SYT9: variants seen among roughly 807,000 people sequenced by gnomAD.
SYT9 encodes the protein synaptotagmin 9, also known as synaptotagmin-9.
SYT9 carries 22 observed loss-of-function variants against 48.4 expected under a neutral mutation model. The observed-to-expected ratio is 0.45, with a 90% CI of 0.32 to 0.65. The LOEUF (loss-of-function observed/expected upper bound fraction) is 0.65, where lower values mean the gene tolerates loss of function less well. Ranked by LOEUF, SYT9 falls within the 30% of genes least tolerant of loss-of-function variation. SYT9 has a pLI of 0.03. For synonymous variants in SYT9, 265 were observed against 245.0 expected (o/e 1.08, Z -0.76); for missense variants, 577 against 622.0 (o/e 0.93, Z 0.77).
intron 6 of SYT9, among the ~76,000 whole-genome samples, chr11:7,461,508 GACTACAGGCACCCACC>G (rs1297391030): frequency 3.3e-5 from 5 of 152,106 alleles, no homozygotes; most frequent in African/African-American, 1.2e-4. Context: ...AAGTAGCTGG[GACTACAGGCACCCACC>G]ACTACACCCA....
At chr11:7,323,760 T>C (rs998451142) in intron 3 of SYT9, among the ~76,000 whole-genome samples, 1 of 151,958 alleles carries the variant, frequency 6.6e-6, no homozygotes, top group African/African-American at 2.4e-5. Flanking sequence ...TTGTTCACAA[T>C]GTGTTGCTTT....
At chr11:7,381,089 G>A (rs906660633) in intron 3 of SYT9, among the ~76,000 whole-genome samples, 1 of 152,024 alleles carries the variant, frequency 6.6e-6, no homozygotes, top group African/African-American at 2.4e-5. Flanking sequence ...CTTTAGCTAT[G>A]GTTGTCAAAC....
chr11:7,284,699 T>C (rs547562837), intron 1 of SYT9, among the ~76,000 whole-genome samples: 1 of 152,290 alleles, frequency 6.6e-6, no homozygotes, highest in South Asian at 2.1e-4. Context: ...CAGCATTTCC[T>C]AGGACAGTTA....
intron 3 of SYT9, among the ~76,000 whole-genome samples, chr11:7,337,730 G>A (rs899911423): frequency 2.0e-5 from 3 of 152,130 alleles, no homozygotes; most frequent in Non-Finnish European, 2.9e-5. Context: ...GATTGTGGTG[G>A]ATTAACTTTT....
chr11:7,371,140 A>G (rs1367269700), intron 3 of SYT9, among the ~76,000 whole-genome samples: 1 of 152,192 alleles, frequency 6.6e-6, no homozygotes, highest in Non-Finnish European at 1.5e-5. Context: ...ATCCAGTAAG[A>G]TAAATTCCTC....
intron 3 of SYT9, among the ~76,000 whole-genome samples, chr11:7,316,151 G>A (rs1849240159): frequency 6.6e-6 from 1 of 150,910 alleles, no homozygotes; most frequent in South Asian, 2.1e-4. Flanking sequence ...ATATAATATA[G>A]TAAATATAAT....
chr11:7,357,249 C>T (rs971397877), intron 3 of SYT9, among the ~76,000 whole-genome samples: 5 of 152,082 alleles, frequency 3.3e-5, no homozygotes. Context: ...ATCCTATTTG[C>T]ATCTAAAAAA....
At chr11:7,269,386 A>G (rs994246781) in intron 1 of SYT9, among the ~76,000 whole-genome samples, 1 of 152,174 alleles carries the variant, frequency 6.6e-6, no homozygotes, top group Non-Finnish European at 1.5e-5. Flanking sequence ...TCATCAGAAT[A>G]CTGTATAGAT....
chr11:7,258,473 G>C (rs948454404), intron 1 of SYT9, among the ~76,000 whole-genome samples: 1 of 152,058 alleles, frequency 6.6e-6, no homozygotes, highest in African/African-American at 2.4e-5. Context: ...ACCAGGCTTT[G>C]CAGATCTCTT....
chr11:7,397,000 A>C (rs1846767931), intron 3 of SYT9, among the ~76,000 whole-genome samples: 1 of 152,150 alleles, frequency 6.6e-6, no homozygotes, highest in Non-Finnish European at 1.5e-5. Flanking sequence ...TTTTTACTTT[A>C]ATGAAGTACA....
intron 3 of SYT9, among the ~76,000 whole-genome samples, chr11:7,330,644 T>C (rs928963379): frequency 6.6e-6 from 1 of 152,158 alleles, no homozygotes; most frequent in Non-Finnish European, 1.5e-5. Context: ...TCTGAGAAGT[T>C]AGCCAACAGG....
At chr11:7,340,932 G>T (rs941485440) in intron 3 of SYT9, among the ~76,000 whole-genome samples, 2 of 152,192 alleles carry the variant, frequency 1.3e-5, no homozygotes, top group Non-Finnish European at 2.9e-5. Flanking sequence ...TGTGCTGGGG[G>T]TCTGCTCCAG....
intron 3 of SYT9, among the ~76,000 whole-genome samples, chr11:7,397,469 T>C (rs972703920): frequency 6.6e-6 from 1 of 152,130 alleles, no homozygotes; most frequent in Non-Finnish European, 1.5e-5. Context: ...AGTCTTCCCA[T>C]TTTTTGCTTT....
chr11:7,302,263 C>T (rs1464718241), intron 1 of SYT9, among the ~76,000 whole-genome samples: 1 of 152,168 alleles, frequency 6.6e-6, no homozygotes, highest in Non-Finnish European at 1.5e-5. Flanking sequence ...GTGTATTAAG[C>T]CTCCATAGCA....
At chr11:7,247,611 ATATACGTGTATATATACGTG>A (rs1027762042), upstream of SYT9, among the ~76,000 whole-genome samples, 3 of 147,228 alleles carry the variant, frequency 2.0e-5, no homozygotes, top group Non-Finnish European at 4.5e-5. Context: ...ATATATACAT[ATATACGTGTATATATACGTG>A]TATATATACG....
chr11:7,252,563 T>G lies in SYT9; in HGVS notation c.145+232T>G, dbSNP rs996019133. Reference sequence around the variant, plus strand: ...GACTCCGGGTCGGCTAGGGCAGGGTTGGAGGGACCACGCCCGCCACCTGCG... The same window carrying G: ...GACTCCGGGTCGGCTAGGGCAGGGTGGGAGGGACCACGCCCGCCACCTGCG... On this transcript the variant is annotated intron_variant, in intron 1 of 6. Transcript: ENST00000318881. The surrounding 1 kb of genome is among the most constrained non-coding windows in gnomAD (Gnocchi z 6.3). Among the ~76,000 whole-genome samples the G allele has an allele frequency of 7.9e-5, 12 of 152,220 alleles. No homozygotes were observed. The highest frequency in any genetic ancestry group is 3.4e-3 in the Middle Eastern group (1 of 294).
chr11:7,431,486 T>A (rs1847568876), intron 6 of SYT9, among the ~76,000 whole-genome samples: 1 of 152,268 alleles, frequency 6.6e-6, no homozygotes, highest in Non-Finnish European at 1.5e-5. Context: ...TCAAGCAAGC[T>A]GTGGAGGAAC....
intron 2 of SYT9, among the ~76,000 whole-genome samples, chr11:7,311,429 A>C (rs547255651): frequency 1.9e-4 from 29 of 152,356 alleles, no homozygotes; most frequent in African/African-American, 6.7e-4. Context: ...TCAAAGGGAA[A>C]TTGTAATGCA....
intron 6 of SYT9, among the ~76,000 whole-genome samples, chr11:7,426,394 C>G (rs560169332): frequency 6.6e-6 from 1 of 152,248 alleles, no homozygotes; most frequent in East Asian, 1.9e-4. Context: ...TAGCACCTCC[C>G]ACTCAATGCT....
Sources: allele counts gnomAD v4.1 joint callset (sites outside exome capture counted in the v4.1 genomes callset), GRCh38; gene constraint gnomAD v4.1.1; non-coding constraint Gnocchi (gnomAD v3.1); transcripts MANE v1.5; gene names NCBI Gene and HGNC (gene_info 2026-07-23, HGNC 2026-07-21).